PGBD5: variants seen among roughly 807,000 people sequenced by gnomAD.
PGBD5 encodes piggyBac transposable element derived 5.
A neutral mutation model predicts 47.9 loss-of-function variants in PGBD5; 14 were observed. The observed-to-expected ratio is 0.29, with a 90% CI of 0.19 to 0.46. PGBD5 has a LOEUF of 0.46. Among genes scored for constraint, PGBD5 ranks in the 20% least tolerant of loss-of-function variants. The probability of loss-of-function intolerance (pLI) is 1.00; values close to 1 mark genes in which losing one functional copy is unlikely to be tolerated. For synonymous variants in PGBD5, 316 were observed against 306.3 expected, an observed-to-expected ratio of 1.03 and a Z score of -0.33; for missense variants, 635 against 716.0, an observed-to-expected ratio of 0.89 and a Z score of 1.29.
At chr1:230,384,176 G>A (rs1224477597) in intron 1 of PGBD5, among the ~76,000 whole-genome samples, 2 of 152,102 alleles carry the variant, frequency 1.3e-5, no homozygotes, top group East Asian at 3.9e-4. Flanking sequence ...AACCATTTAG[G>A]TTACATTTAA....
At chr1:230,359,353 C>T (rs1276536010) in intron 1 of PGBD5, among the ~76,000 whole-genome samples, 10 of 152,158 alleles carry the variant, frequency 6.6e-5, no homozygotes, top group Admixed American at 2.6e-4. Context: ...TGTGAGCCAC[C>T]GCGCCCGGCC....
rs148116630 is a variant in PGBD5 at position 230,388,117 on chromosome 1, G to A, written c.332-30796C>T. Reference sequence around the variant, plus strand: ...CTGAAATGTGCATCCCTGCTCTACTGCAATGGAGAGCCACTGAAGGGCTGT... The same window carrying A: ...CTGAAATGTGCATCCCTGCTCTACTACAATGGAGAGCCACTGAAGGGCTGT... On this transcript the variant is annotated intron_variant, in intron 1 of 6. Transcript: ENST00000391860. Among the ~76,000 whole-genome samples the A allele has an allele frequency of 1.8e-3, 281 of 152,304 alleles. 2 individuals are homozygous for A. The highest frequency in any genetic ancestry group is 6.4e-3 in the African/African-American group (268 of 41,564).
At chr1:230,419,137 G>C (rs759619621) in intron 1 of PGBD5, among the ~76,000 whole-genome samples, 3 of 152,172 alleles carry the variant, frequency 2.0e-5, no homozygotes, top group Non-Finnish European at 4.4e-5. Context: ...ATTGACAATA[G>C]CAAAGACACA....
intron 1 of PGBD5, chr1:230,362,145 G>A (rs1259878609): frequency 7.5e-6 from 9 of 1,194,038 alleles, no homozygotes; most frequent in Admixed American, 5.9e-5. Flanking sequence ...TGAGCACCAC[G>A]TGACCATGCT....
rs909779210 is a variant in PGBD5, at chr1:230,318,706, G to A, written c.*4719C>T. 2.6e-5 allele frequency: 4 copies of A among 152,272 alleles called. No homozygotes were observed. The highest frequency in any genetic ancestry group is 9.7e-5 in the African/African-American group (4 of 41,434). 9.4% of individuals were successfully genotyped at this position (152,272 alleles called of 1,614,324 possible). A position where few individuals can be genotyped will look rare whatever the true frequency, so the allele number is the denominator to read the frequency against. ...GGCCTAGATCCCAGGGCACTCTGAT[G>A]AGACCCCACAGCTGGCTCCACTCCC... On this transcript the variant is annotated 3_prime_UTR_variant, in exon 7 of 7. Transcript: ENST00000391860.
chr1:230,425,664 C>A lies in PGBD5; in HGVS notation c.265G>T (p.Glu89Ter). The A allele has an allele frequency of 8.2e-7, 1 of 1,219,288 alleles. No individual in the cohort carries two copies. The highest frequency in any genetic ancestry group is 1.0e-6 in the Non-Finnish European group (1 of 979,944). 75.5% of individuals were successfully genotyped at this position (1,219,288 alleles called of 1,614,324 possible). A position where few individuals can be genotyped will look rare whatever the true frequency, so the allele number is the denominator to read the frequency against. Reference sequence around the variant, plus strand: ...GCTGCGCTCCAGCCCGCGCCGGCCTCGTCCTCCTCCGGCTCCTGTGCGTCC... The same window carrying A: ...GCTGCGCTCCAGCCCGCGCCGGCCTAGTCCTCCTCCGGCTCCTGTGCGTCC... ...APDAQEPEED[E>*]AGAGWSAALR... Residue 89 changes from glutamate (E) to a stop codon, truncating the protein, a stop_gained, in exon 1 of 7, where the codon GAG (glutamate) becomes TAG (stop). Transcript: ENST00000391860. LOFTEE classifies it high-confidence loss of function. The surrounding 1 kb of genome is among the most constrained non-coding windows in gnomAD (Gnocchi z 4.7).
chr1:230,325,778 T>C (rs1667107008), intron 5 of PGBD5, among the ~76,000 whole-genome samples: 1 of 151,868 alleles, frequency 6.6e-6, no homozygotes, highest in African/African-American at 2.4e-5. Context: ...GGCTCACTCC[T>C]CCCTCCCTCC....
intron 3 of PGBD5, among the ~76,000 whole-genome samples, chr1:230,339,507 G>A (rs1310402297): frequency 6.6e-6 from 1 of 152,144 alleles, no homozygotes; most frequent in Non-Finnish European, 1.5e-5. Context: ...TTACTTCTGA[G>A]TACACACCCA....
At chr1:230,412,598 C>T (rs1294856677) in intron 1 of PGBD5, among the ~76,000 whole-genome samples, 1 of 151,964 alleles carries the variant, frequency 6.6e-6, no homozygotes, top group East Asian at 1.9e-4. Context: ...CCATGTTAGC[C>T]AGGATGGTCT....
intron 1 of PGBD5, among the ~76,000 whole-genome samples, chr1:230,424,234 C>T (rs560246563): frequency 1.3e-5 from 2 of 152,300 alleles, no homozygotes; most frequent in South Asian, 4.2e-4. Flanking sequence ...AAACAGCTGT[C>T]TAGGGCCAGG....
rs369412575 is a variant in PGBD5, at chr1:230,337,186, C to T, written c.997G>A (p.Ala333Thr). ...AAAATGATGTAGTTCTTGCCTGCCG[C>T]GTTCCGGCACAGGCTCCTGGCCACC... ...SMVARSLCRN[A>T]AGKNYIIFTG... The change falls in exon 4 of 7, where the codon GCG becomes ACG. Residue 333 changes from alanine (A) to threonine (T), a missense_variant. Physicochemically the swap from Ala to Thr is moderately conservative, Grantham distance 58 (BLOSUM62 0). Coordinates refer to ENST00000391860, the MANE Select transcript of PGBD5 (RefSeq NM_001258311.2). 8.7e-6 allele frequency: 14 copies of T among 1,614,090 alleles called. No homozygotes were observed. The highest frequency in any genetic ancestry group is 4.0e-5 in the African/African-American group (3 of 74,944).
chr1:230,408,242 T>G (rs6694936), intron 1 of PGBD5, among the ~76,000 whole-genome samples: 33,291 of 152,162 alleles, frequency 0.22, 4,145 homozygotes, highest in Admixed American at 0.38. Flanking sequence ...TTAAACAAAA[T>G]TTCAGGCAGT....
At chr1:230,332,433 G>A (rs977206968) in intron 5 of PGBD5, among the ~76,000 whole-genome samples, 1 of 152,210 alleles carries the variant, frequency 6.6e-6, no homozygotes, top group Non-Finnish European at 1.5e-5. Flanking sequence ...GGATGAACCA[G>A]ACAGCGCATA....
At chr1:230,377,766 G>GTAT in intron 1 of PGBD5, 3 of 1,300,272 alleles carry the variant, frequency 2.3e-6, no homozygotes, top group Non-Finnish European at 3.0e-6. Flanking sequence ...ATAAAGCACA[G>GTAT]TGCAGCATCC....
At chr1:230,343,475 A>G (rs901521068) in intron 3 of PGBD5, among the ~76,000 whole-genome samples, 1 of 152,228 alleles carries the variant, frequency 6.6e-6, no homozygotes, top group African/African-American at 2.4e-5. Context: ...GATTAACTTC[A>G]TTCAAAAGTG....
At chr1:230,365,701 G>C (rs896790160) in intron 1 of PGBD5, among the ~76,000 whole-genome samples, 7 of 152,226 alleles carry the variant, frequency 4.6e-5, no homozygotes, top group Admixed American at 1.3e-4. Flanking sequence ...TCTCCAAGGT[G>C]AGCACTACAC....
chr1:230,425,997 C>G lies in PGBD5; in HGVS notation c.-69G>C. The G allele has an allele frequency of 1.3e-6, 1 of 772,050 alleles. No individual in the cohort carries two copies. The highest frequency in any genetic ancestry group is 1.6e-6 in the Non-Finnish European group (1 of 637,860). 47.8% of individuals were successfully genotyped at this position (772,050 alleles called of 1,614,324 possible). Reference sequence around the variant, plus strand: ...AGCCGCACACGCCGGGCCCTGGGCCCGCGCCGCGGCCCGCCGCCCCCCACC... The same window carrying G: ...AGCCGCACACGCCGGGCCCTGGGCCGGCGCCGCGGCCCGCCGCCCCCCACC... On this transcript the variant is annotated 5_prime_UTR_variant, in exon 1 of 7. Transcript: ENST00000391860. The surrounding 1 kb of genome is among the most constrained non-coding windows in gnomAD (Gnocchi z 4.7).
At chr1:230,361,552 G>C (rs901431823) in intron 1 of PGBD5, among the ~76,000 whole-genome samples, 1 of 152,118 alleles carries the variant, frequency 6.6e-6, no homozygotes, top group South Asian at 2.1e-4. Flanking sequence ...ATAGTGGCTT[G>C]GTAATGCCCA....
rs896633085 is a variant in PGBD5, at chr1:230,321,994, G to A, written c.*1431C>T. 6.6e-6 allele frequency: 1 copy of A among 152,468 alleles called. No homozygotes were observed. Among genetic ancestry groups the A allele is most frequent in the Non-Finnish European group, 1.5e-5 (1 of 68,056 alleles). 9.4% of individuals were successfully genotyped at this position (152,468 alleles called of 1,614,324 possible). ...GCAACACTCGCAATAACTGAGTGAG[G>A]ACGAGGCCCATAGCCTGAGTAGAAT... is the stretch of plus-strand genomic sequence containing the variant. On this transcript the variant is annotated 3_prime_UTR_variant, in exon 7 of 7. Coordinates refer to ENST00000391860, the MANE Select transcript of PGBD5 (RefSeq NM_001258311.2).
Sources: allele counts gnomAD v4.1 joint callset (sites outside exome capture counted in the v4.1 genomes callset), GRCh38; gene constraint gnomAD v4.1.1; non-coding constraint Gnocchi (gnomAD v3.1); transcripts MANE v1.5; gene names NCBI Gene and HGNC (gene_info 2026-07-23, HGNC 2026-07-21).